Variants in RYR3 observed in about 807,000 individuals in gnomAD.
RYR3 encodes ryanodine receptor 3.
In RYR3, 207 loss-of-function variants were observed where a neutral mutation model predicts 584.3. The observed-to-expected ratio is 0.35, with a 90% confidence interval of 0.32 to 0.40. The LOEUF (loss-of-function observed/expected upper bound fraction) is 0.40. RYR3 is among the 10% of genes least tolerant of loss of function. The pLI is 1.00. For synonymous variants in RYR3, 2,416 were observed against 2,248.5 expected (o/e 1.07, Z -2.11); for missense variants, 5,616 against 6,089.2 (o/e 0.92, Z 2.59).
intron 10 of RYR3, among the ~76,000 whole-genome samples, chr15:33,556,621 GT>G (rs1303340211): frequency 6.6e-6 from 1 of 152,150 alleles, no homozygotes; most frequent in Non-Finnish European, 1.5e-5. Context: ...CCCACACGAA[GT>G]CTGTTAACAA....
At chr15:33,422,735 T>A (rs2044328714) in intron 1 of RYR3, among the ~76,000 whole-genome samples, 1 of 152,162 alleles carries the variant, frequency 6.6e-6, no homozygotes, top group South Asian at 2.1e-4. Flanking sequence ...GTATGAGAGA[T>A]GAACCTGGGC....
intron 8 of RYR3, among the ~76,000 whole-genome samples, chr15:33,546,233 C>A (rs180807807): frequency 2.0e-5 from 3 of 152,136 alleles, no homozygotes; most frequent in East Asian, 1.9e-4. Flanking sequence ...CCAGCTCCAG[C>A]GCTGTTTCAC....
chr15:33,770,696 CTGCACTCCAGCCTA>C (rs2152886400), intron 62 of RYR3, among the ~76,000 whole-genome samples: 1 of 152,100 alleles, frequency 6.6e-6, no homozygotes, highest in East Asian at 1.9e-4. Flanking sequence ...TGAGAGGTCA[CTGCACTCCAGCCTA>C]TGCAACGGAG....
chr15:33,761,392 A>G (rs545736159), intron 60 of RYR3, among the ~76,000 whole-genome samples: 3 of 152,336 alleles, frequency 2.0e-5, no homozygotes, highest in African/African-American at 4.8e-5. Flanking sequence ...AATCAAATAG[A>G]CACAATAAAA....
At chr15:33,588,957 CT>C (rs2058992554) in intron 16 of RYR3, among the ~76,000 whole-genome samples, 1 of 152,034 alleles carries the variant, frequency 6.6e-6, no homozygotes, top group Non-Finnish European at 1.5e-5. Context: ...ATTTATTTTC[CT>C]TTGGGTAGAT....
At chr15:33,454,623 A>T (rs954823720) in intron 1 of RYR3, among the ~76,000 whole-genome samples, 1 of 152,216 alleles carries the variant, frequency 6.6e-6, no homozygotes, top group African/African-American at 2.4e-5. Flanking sequence ...GTAGTCCCAG[A>T]AGTATGCAGG....
chr15:33,660,182 T>C lies in RYR3; in HGVS notation c.4396-15T>C. On this transcript the variant is annotated splice_polypyrimidine_tract_variant and intron_variant, in intron 33 of 103. Transcript: ENST00000634891. The stretch of plus-strand genomic sequence containing the variant: ...CTGTGTGTTTCTTTTCCAATGCCTT[T>C]CCCACGTGCCCCAGAACGCAATGCC... The C allele has an allele frequency of 6.5e-7, 1 of 1,536,814 alleles. No individual in the cohort carries two copies. Among genetic ancestry groups the C allele is most frequent in the Non-Finnish European group, 8.8e-7 (1 of 1,134,042 alleles).
At chr15:33,637,896 C>T (rs2061581247) in intron 27 of RYR3, among the ~76,000 whole-genome samples, 1 of 152,136 alleles carries the variant, frequency 6.6e-6, no homozygotes, top group East Asian at 1.9e-4. Flanking sequence ...TGGTGTGCTG[C>T]ACCCATTAAC....
At chr15:33,854,644 C>T (rs1567331773) in intron 97 of RYR3, 122 bp from the exon 98 acceptor site, 2 of 1,306,078 alleles carry the variant, frequency 1.5e-6, no homozygotes, top group East Asian at 4.6e-5. Context: ...GGCCAGCTCA[C>T]AGCACCTCAG....
intron 52 of RYR3, among the ~76,000 whole-genome samples, chr15:33,743,393 C>T (rs1016732690): frequency 3.3e-5 from 5 of 152,200 alleles, no homozygotes; most frequent in Admixed American, 3.3e-4. Context: ...CAGACCATCT[C>T]CATTGCAACA....
At chr15:33,385,710 C>CTTTTTTTTTTTTT (rs10682215) in intron 1 of RYR3, among the ~76,000 whole-genome samples, 1 of 131,400 alleles carries the variant, frequency 7.6e-6, no homozygotes, top group African/African-American at 2.9e-5. Flanking sequence ...TTTTTCTTTT[C>CTTTTTTTTTTTTT]TTTTTTTTTT....
At chr15:33,644,741 C>T (rs1301481249) in intron 28 of RYR3, among the ~76,000 whole-genome samples, 1 of 152,242 alleles carries the variant, frequency 6.6e-6, no homozygotes, top group East Asian at 1.9e-4. Context: ...TAAAACCTTA[C>T]AGATCAACTC....
intron 72 of RYR3, among the ~76,000 whole-genome samples, chr15:33,811,362 G>A (rs1021231781): frequency 1.3e-5 from 2 of 151,960 alleles, no homozygotes; most frequent in Non-Finnish European, 2.9e-5. Flanking sequence ...AAAGTTAGCC[G>A]GGCGTGGTGG....
At chr15:33,697,234 C>T (rs1228437806) in intron 39 of RYR3, among the ~76,000 whole-genome samples, 4 of 152,218 alleles carry the variant, frequency 2.6e-5, no homozygotes, top group African/African-American at 7.2e-5. Context: ...GAGGGAAATG[C>T]ACTCATTCGT....
intron 36 of RYR3, among the ~76,000 whole-genome samples, chr15:33,665,515 C>A (rs1596050167): frequency 6.6e-6 from 1 of 152,204 alleles, no homozygotes; most frequent in South Asian, 2.1e-4. Context: ...TGTTTTCTGG[C>A]ATCTCTTTCT....
At chr15:33,749,832 C>G (rs2071106288) in intron 55 of RYR3, 147 bp from the exon 56 acceptor site, 2 of 649,298 alleles carry the variant, frequency 3.1e-6, no homozygotes. Context: ...TAAGCACACA[C>G]TAATTAATGA....
At chr15:33,338,112 G>A (rs766157451) in intron 1 of RYR3, among the ~76,000 whole-genome samples, 110 of 151,660 alleles carry the variant, frequency 7.3e-4, no homozygotes, top group Non-Finnish European at 1.2e-3. Context: ...GCCCGGCTAA[G>A]TTTCTTGTAT....
intron 1 of RYR3, among the ~76,000 whole-genome samples, chr15:33,314,686 G>C (rs1478710439): frequency 6.6e-6 from 1 of 152,032 alleles, no homozygotes; most frequent in Non-Finnish European, 1.5e-5. Flanking sequence ...AGGCCGAGGC[G>C]GGTGGATCAC....
At chr15:33,742,557 C>T (rs2070256738) in intron 52 of RYR3, 113 bp downstream of exon 52, 3 of 724,876 alleles carry the variant, frequency 4.1e-6, no homozygotes, top group African/African-American at 1.8e-5. Flanking sequence ...ATTTTCCATG[C>T]CGAGAGCATT....
Sources: allele counts gnomAD v4.1 joint callset (sites outside exome capture counted in the v4.1 genomes callset), GRCh38; gene constraint gnomAD v4.1.1; transcripts MANE v1.5; gene names NCBI Gene and HGNC (gene_info 2026-07-23, HGNC 2026-07-21).